The following BAZ2B variants were observed in gnomAD, a reference collection of about 807,000 sequenced individuals.
BAZ2B encodes bromodomain adjacent to zinc finger domain protein 2B.
A neutral mutation model predicts 246.0 loss-of-function variants in BAZ2B; 91 were observed. The ratio of observed to expected loss-of-function variants is 0.37; its 90% confidence interval spans 0.31 to 0.44. BAZ2B has a LOEUF of 0.44. BAZ2B is among the 20% of genes least tolerant of loss of function. The pLI is 1.00. For synonymous variants in BAZ2B, 855 were observed against 860.0 expected, an observed-to-expected ratio of 0.99 and a Z score of 0.10; for missense variants, 2,332 against 2,533.7, an observed-to-expected ratio of 0.92 and a Z score of 1.71.
chr2:159,599,942 AAAAAAAAAAAAG>A (rs1264633445), intron 1 of BAZ2B, among the ~76,000 whole-genome samples: 1 of 151,456 alleles, frequency 6.6e-6, no homozygotes, highest in Non-Finnish European at 1.5e-5. Context: ...TCTCAAAAAA[AAAAAAAAAAAAG>A]AAAAGAAAAA....
chr2:159,426,659 CT>C, intron 13 of BAZ2B, among the ~76,000 whole-genome samples: 1 of 152,050 alleles, frequency 6.6e-6, no homozygotes, highest in Non-Finnish European at 1.5e-5. Flanking sequence ...GACATAACTT[CT>C]TTCTTTAAAA....
At chr2:159,508,610 A>G (rs2082583443) in intron 2 of BAZ2B, among the ~76,000 whole-genome samples, 1 of 102,006 alleles carries the variant, frequency 9.8e-6, no homozygotes, top group Non-Finnish European at 2.6e-5. Flanking sequence ...TTTGCCAAAA[A>G]TAAAAAAAAA....
At chr2:159,708,759 T>C in the BAZ2B span, among the ~76,000 whole-genome samples, 1 of 151,912 alleles carries the variant, frequency 6.6e-6, no homozygotes, top group East Asian at 1.9e-4. Context: ...AATTTTTTTG[T>C]ATAGATGGGG....
intron 1 of BAZ2B, among the ~76,000 whole-genome samples, chr2:159,593,795 G>C (rs1361657468): frequency 1.3e-5 from 2 of 152,156 alleles, no homozygotes; most frequent in East Asian, 1.9e-4. Flanking sequence ...CATCCACTGA[G>C]TGTCTTGGAA....
chr2:159,535,498 G>T (rs1356202881), intron 2 of BAZ2B, among the ~76,000 whole-genome samples: 2 of 151,962 alleles, frequency 1.3e-5, no homozygotes, highest in African/African-American at 2.4e-5. Flanking sequence ...CTTCAGCCTG[G>T]GTGACAGAAC....
Position 159,391,422 on chromosome 2 carries a change from C to T in BAZ2B, c.3076-1937G>A, listed in dbSNP as rs555000495. 2.0e-4 allele frequency among the ~76,000 whole-genome samples: 31 copies of T among 152,254 alleles called. No homozygotes were observed. The South Asian group carries it at 2.1e-3, about 10-fold the overall frequency. On this transcript the variant is annotated intron_variant, in intron 20 of 36. Coordinates refer to ENST00000392783, the MANE Select transcript of BAZ2B (RefSeq NM_013450.4). ...AATGTATTGTCATCGTTAAGTGACA[C>T]ATGGCTTTACACAGAGCTAATCCAG... is the stretch of plus-strand genomic sequence containing the variant.
chr2:159,686,322 A>C, the BAZ2B span, among the ~76,000 whole-genome samples: 48 of 152,314 alleles, frequency 3.2e-4, no homozygotes, highest in Middle Eastern at 3.4e-3. Flanking sequence ...GGTTTACCTC[A>C]CCAGAGAGAT....
In BAZ2B at chr2:159,319,377, A is replaced by T. The variant is rs1199882997; in HGVS notation, c.*888T>A. 1 of 152,668 alleles carries T rather than the reference A, an allele frequency of 6.6e-6. No individual in the cohort carries two copies. The highest frequency in any genetic ancestry group is 2.4e-5 in the African/African-American group (1 of 41,458). 9.5% of individuals were successfully genotyped at this position (152,668 alleles called of 1,614,324 possible). Reference sequence around the variant, plus strand: ...ACTAATATCCCCTACACCCTGTTTCAAAGGCAGGCACTACCAAGATTAAGG... The same window carrying T: ...ACTAATATCCCCTACACCCTGTTTCTAAGGCAGGCACTACCAAGATTAAGG... On this transcript the variant is annotated 3_prime_UTR_variant, in exon 37 of 37. Coordinates refer to ENST00000392783, the MANE Select transcript of BAZ2B (RefSeq NM_013450.4). The surrounding 1 kb of genome is among the most constrained non-coding windows in gnomAD (Gnocchi z 4.0).
chr2:159,332,642 A>G lies in BAZ2B; in HGVS notation c.5841T>C (p.Leu1947=). 1 of 1,614,108 alleles carries G rather than the reference A, an allele frequency of 6.2e-7. No individual in the cohort carries two copies. Among genetic ancestry groups the G allele is most frequent in the Non-Finnish European group, 8.5e-7 (1 of 1,179,968 alleles). The change falls in exon 34 of 37, where the codon CTT becomes CTC. Residue 1947 remains leucine, a synonymous_variant. Transcript: ENST00000392783. ...CRKGDNEELL[L]LCDGCDKGCH... is the part of the protein sequence containing the mutation. ...AGCCTTTGTCACAGCCATCACAAAGAAGAAGCAGTTCTTCATTATCTCCCT... is the reference window on the plus strand; with the variant it reads ...AGCCTTTGTCACAGCCATCACAAAGGAGAAGCAGTTCTTCATTATCTCCCT...
chr2:159,363,568 C>T (rs909736328), intron 27 of BAZ2B, among the ~76,000 whole-genome samples: 1 of 152,112 alleles, frequency 6.6e-6, no homozygotes, highest in Non-Finnish European at 1.5e-5. Flanking sequence ...ATGAGATGCA[C>T]AGGTTTCTGC....
the BAZ2B span, among the ~76,000 whole-genome samples, chr2:159,666,909 T>G: frequency 6.6e-6 from 1 of 151,190 alleles, no homozygotes; most frequent in Non-Finnish European, 1.5e-5. Context: ...GAGGGGAACA[T>G]CACACACCAG....
At chr2:159,466,258 A>T (rs985683183) in intron 3 of BAZ2B, among the ~76,000 whole-genome samples, 1 of 152,240 alleles carries the variant, frequency 6.6e-6, no homozygotes, top group African/African-American at 2.4e-5. Context: ...TAAAATCTGC[A>T]TAGTCACTTG....
At chr2:159,396,962 C>T in intron 19 of BAZ2B, 1 of 785,166 alleles carries the variant, frequency 1.3e-6, no homozygotes, top group East Asian at 6.6e-5. Flanking sequence ...AGCCATGCAG[C>T]AGTATGTAAT....
At chr2:159,654,630 T>C in the BAZ2B span, among the ~76,000 whole-genome samples, 7 of 152,034 alleles carry the variant, frequency 4.6e-5, no homozygotes, top group East Asian at 9.6e-4. Flanking sequence ...CCAGAAGAAC[T>C]TACTAAGTAT....
chr2:159,471,441 A>T (rs534096574), intron 3 of BAZ2B, among the ~76,000 whole-genome samples: 11 of 152,194 alleles, frequency 7.2e-5, no homozygotes, highest in Middle Eastern at 3.4e-3. Flanking sequence ...ACAAAAAAAA[A>T]TTTTAAAAAT....
intron 30 of BAZ2B, 24 bp downstream of exon 30, chr2:159,348,654 C>A: frequency 1.9e-6 from 3 of 1,569,960 alleles, no homozygotes; most frequent in Non-Finnish European, 1.7e-6. Context: ...AGAAAGAAAG[C>A]TGAAATATCT....
chr2:159,541,676 G>C (rs1269110192), intron 2 of BAZ2B, among the ~76,000 whole-genome samples: 1 of 152,152 alleles, frequency 6.6e-6, no homozygotes, highest in African/African-American at 2.4e-5. Flanking sequence ...CTTGCTCTCT[G>C]TACTCCAGTC....
At chr2:159,374,495 A>G (rs1194938816) in intron 26 of BAZ2B, among the ~76,000 whole-genome samples, 196 bp downstream of exon 26, 2 of 152,210 alleles carry the variant, frequency 1.3e-5, no homozygotes. Flanking sequence ...TTAAGCTTGT[A>G]AAGTTCAATT....
At chr2:159,432,114 A>G (rs1449350019) in intron 9 of BAZ2B, among the ~76,000 whole-genome samples, 1 of 152,170 alleles carries the variant, frequency 6.6e-6, no homozygotes, top group Non-Finnish European at 1.5e-5. Flanking sequence ...TCTGTAGTTG[A>G]CCAGTAACAA....
Sources: gnomAD v4.1 joint callset for allele counts (sites outside exome capture counted in the v4.1 genomes callset) on GRCh38, gnomAD v4.1.1 for gene constraint, Gnocchi (gnomAD v3.1) non-coding constraint, MANE v1.5 for transcripts, NCBI Gene and HGNC (gene_info 2026-07-23, HGNC 2026-07-21) for gene names.